The following KIAA1671 variants were observed in gnomAD, a reference collection of about 807,000 sequenced individuals.
The protein encoded by KIAA1671 is KIAA1671.
In KIAA1671, 52 loss-of-function variants were observed where a neutral mutation model predicts 131.2. The ratio of observed to expected loss-of-function variants is 0.40; its 90% CI spans 0.32 to 0.50. The LOEUF (loss-of-function observed/expected upper bound fraction) is 0.50. Among genes scored for constraint, KIAA1671 ranks in the 20% least tolerant of loss-of-function variants. The probability of loss-of-function intolerance (pLI) is 0.73; values close to 1 mark genes in which losing one functional copy is unlikely to be tolerated. For synonymous variants in KIAA1671, 1,003 were observed against 961.6 expected (o/e 1.04, Z -0.80); for missense variants, 2,360 against 2,364.2 (o/e 1.00, Z 0.04).
intron 6 of KIAA1671, among the ~76,000 whole-genome samples, chr22:25,110,652 T>C (rs1931283114): frequency 6.6e-6 from 1 of 152,064 alleles, no homozygotes; most frequent in Non-Finnish European, 1.5e-5. Flanking sequence ...ACCCCTGACA[T>C]GTTTGGGATC....
At chr22:25,105,826 G>GC (rs534955868) in intron 6 of KIAA1671, among the ~76,000 whole-genome samples, 2 of 151,954 alleles carry the variant, frequency 1.3e-5, no homozygotes, top group African/African-American at 2.4e-5. Flanking sequence ...AGTTGGGGGG[G>GC]GGGGGTGCCA....
At chr22:25,066,839 G>A (rs558276724) in intron 6 of KIAA1671, among the ~76,000 whole-genome samples, 28 of 152,222 alleles carry the variant, frequency 1.8e-4, no homozygotes, top group South Asian at 1.7e-3. Context: ...GGGGTGGGAG[G>A]GAACAGGTTG....
intron 6 of KIAA1671, among the ~76,000 whole-genome samples, chr22:25,127,608 A>T (rs1040284428): frequency 2.0e-5 from 3 of 151,842 alleles, no homozygotes; most frequent in Admixed American, 2.0e-4. Context: ...TGATCAAAGC[A>T]TATTTGTGTG....
intron 1 of KIAA1671, among the ~76,000 whole-genome samples, chr22:24,956,871 CAA>C (rs60921102): frequency 2.1e-4 from 22 of 103,064 alleles, no homozygotes; most frequent in Non-Finnish European, 2.7e-4. Context: ...GACTCTGTCT[CAA>C]AAAAAAAAAA....
chr22:25,081,275 TAA>T (rs941930874), intron 6 of KIAA1671, among the ~76,000 whole-genome samples: 3 of 152,224 alleles, frequency 2.0e-5, no homozygotes, highest in Admixed American at 6.5e-5. Flanking sequence ...CTCCCAATTC[TAA>T]GAGTCCAGTA....
chr22:25,028,236 T>G lies in KIAA1671; in HGVS notation c.237T>G (p.Ser79=). ...TCTCGAAGGAGCAGGACGTGAAATCTCCTGTCCCGTCTCTGCGGCCCAGTT... is the reference window on the plus strand; with the variant it reads ...TCTCGAAGGAGCAGGACGTGAAATCGCCTGTCCCGTCTCTGCGGCCCAGTT... ...KPFSKEQDVK[S]PVPSLRPSST... is the part of the protein sequence containing the mutation. The change falls in exon 3 of 13, where the codon TCT becomes TCG. Residue 79 remains serine, a synonymous_variant. Transcript: ENST00000358431. The G allele has an allele frequency of 6.4e-7, 1 of 1,551,554 alleles. No homozygotes were observed. The highest frequency in any genetic ancestry group is 8.7e-7 in the Non-Finnish European group (1 of 1,146,966).
intron 6 of KIAA1671, chr22:25,103,068 A>G (rs991432064): frequency 1.3e-5 from 2 of 152,194 alleles, no homozygotes; most frequent in African/African-American, 4.8e-5. Flanking sequence ...GCTTTTCCTG[A>G]CCCTCACAAG....
At chr22:25,077,837 G>T (rs1929199026) in intron 6 of KIAA1671, among the ~76,000 whole-genome samples, 1 of 152,216 alleles carries the variant, frequency 6.6e-6, no homozygotes, top group Non-Finnish European at 1.5e-5. Context: ...AGACCCTCTT[G>T]CTACTTGTTC....
At chr22:25,073,712 T>A (rs1365903389) in intron 6 of KIAA1671, among the ~76,000 whole-genome samples, 1 of 152,240 alleles carries the variant, frequency 6.6e-6, no homozygotes, top group Non-Finnish European at 1.5e-5. Context: ...GGTTTGTTTG[T>A]TTTTTAGGTA....
intron 1 of KIAA1671, chr22:25,012,874 G>A (rs913346859): frequency 7.2e-5 from 11 of 152,138 alleles, no homozygotes; most frequent in East Asian, 3.9e-4. Flanking sequence ...GAAACCATGC[G>A]CTTTAGTGCT....
At chr22:25,185,248 A>C (rs910161048) in intron 11 of KIAA1671, 129 bp downstream of exon 11, 14 of 1,037,458 alleles carry the variant, frequency 1.3e-5, no homozygotes, top group Non-Finnish European at 1.9e-5. Context: ...CTAGCAGCAG[A>C]AGCTTTGTTC....
chr22:25,184,189 C>T (rs1195283226), intron 10 of KIAA1671, among the ~76,000 whole-genome samples: 1 of 152,218 alleles, frequency 6.6e-6, no homozygotes, highest in Non-Finnish European at 1.5e-5. Flanking sequence ...CGGGCAGACC[C>T]GGTGTGAATC....
intron 6 of KIAA1671, among the ~76,000 whole-genome samples, chr22:25,115,948 G>A (rs1220285159): frequency 6.6e-6 from 1 of 152,022 alleles, no homozygotes; most frequent in Non-Finnish European, 1.5e-5. Flanking sequence ...GCTAATTTTT[G>A]TATTTTTAGT....
At chr22:25,179,368 C>A (rs1934178000) in intron 9 of KIAA1671, 2 of 1,603,934 alleles carry the variant, frequency 1.2e-6, no homozygotes, top group South Asian at 1.1e-5. Flanking sequence ...GCGTGCAGCT[C>A]CTCGCGCAGC....
chr22:24,984,208 G>A (rs944226404), intron 1 of KIAA1671, among the ~76,000 whole-genome samples: 1 of 152,072 alleles, frequency 6.6e-6, no homozygotes, highest in African/African-American at 2.4e-5. Context: ...ATGCCTTAAG[G>A]GTTACCCCCA....
At chr22:25,163,331 A>ATTTTTTTTT (rs132895) in intron 6 of KIAA1671, among the ~76,000 whole-genome samples, 12 of 55,544 alleles carry the variant, frequency 2.2e-4, no homozygotes, top group Admixed American at 3.0e-4. Context: ...ATTGCCTCAA[A>ATTTTTTTTT]TTTTTTTTTT....
intron 6 of KIAA1671, among the ~76,000 whole-genome samples, chr22:25,170,403 G>A (rs1436402482): frequency 2.0e-5 from 3 of 152,200 alleles, no homozygotes; most frequent in Admixed American, 6.5e-5. Flanking sequence ...GAAACACGGT[G>A]GTGGTAGGAA....
In KIAA1671 at chr22:25,095,374, G is replaced by C. The variant is rs543132261; in HGVS notation, c.4530+46010G>C. On this transcript the variant is annotated intron_variant, in intron 6 of 12. Transcript: ENST00000358431. ...ATCTCTAAAAGAACATCAAGAGGCC[G>C]GGCACTGTGGCTCACGCCTGTAATC... is the stretch of plus-strand genomic sequence containing the variant. Among the ~76,000 whole-genome samples the C allele has an allele frequency of 2.0e-5, 3 of 152,300 alleles. No homozygotes were observed. The East Asian group carries it at 5.8e-4, about 29-fold the overall frequency.
In KIAA1671 at chr22:25,018,312, C is replaced by T. The variant is rs12169972; in HGVS notation, c.-207-7321C>T. Among the ~76,000 whole-genome samples the T allele has an allele frequency of 1.6e-3, 238 of 152,132 alleles. 3 individuals carry two copies. The highest frequency in any genetic ancestry group is 5.3e-3 in the African/African-American group (220 of 41,494). The stretch of plus-strand genomic sequence containing the variant: ...ATTCGCCTGAAGGGCATGGGCCCCC[C>T]GACGTGGTAATTAGAGCTTAAGCAT... On this transcript the variant is annotated intron_variant, in intron 1 of 12. Coordinates refer to ENST00000358431, the MANE Select transcript of KIAA1671 (RefSeq NM_001145206.2).
Sources: allele counts gnomAD v4.1 joint callset (sites outside exome capture counted in the v4.1 genomes callset), GRCh38; gene constraint gnomAD v4.1.1; transcripts MANE v1.5; gene names NCBI Gene and HGNC (gene_info 2026-07-23, HGNC 2026-07-21).